Variants in NEGR1 observed in about 807,000 individuals in gnomAD.
The protein encoded by NEGR1 is neuronal growth regulator 1.
A neutral mutation model predicts 40.9 loss-of-function variants in NEGR1; 10 were observed. The ratio of observed to expected loss-of-function variants is 0.24; its 90% CI spans 0.15 to 0.42. The LOEUF (loss-of-function observed/expected upper bound fraction) is 0.42, where lower values mean the gene tolerates loss of function less well. Among genes scored for constraint, NEGR1 ranks in the 10% least tolerant of loss-of-function variants. The probability of loss-of-function intolerance (pLI) is 1.00; values close to 1 mark genes in which losing one functional copy is unlikely to be tolerated. For missense variants in NEGR1, 352 were observed against 438.9 expected (o/e 0.80, Z 1.77); for synonymous variants, 185 against 166.8 (o/e 1.11, Z -0.84).
At chr1:71,549,178 C>T (rs1647995475) in intron 6 of NEGR1, among the ~76,000 whole-genome samples, 1 of 151,634 alleles carries the variant, frequency 6.6e-6, no homozygotes. Context: ...CTAACCTAGG[C>T]CTACATATTA....
chr1:71,834,773 A>AC (rs1658960820), intron 2 of NEGR1, among the ~76,000 whole-genome samples: 1 of 152,094 alleles, frequency 6.6e-6, no homozygotes, highest in African/African-American at 2.4e-5. Context: ...AAAGTTATAC[A>AC]ACTTGGGAGT....
chr1:72,013,962 A>AT (rs1646684180), intron 1 of NEGR1, among the ~76,000 whole-genome samples: 2 of 123,224 alleles, frequency 1.6e-5, no homozygotes, highest in East Asian at 3.1e-4. Context: ...TCTGTGAAAA[A>AT]TAAAAAAAAA....
chr1:72,254,700 TAAAA>T (rs5775112), intron 1 of NEGR1, among the ~76,000 whole-genome samples: 4 of 106,578 alleles, frequency 3.8e-5, no homozygotes, highest in African/African-American at 3.5e-5. Flanking sequence ...AGACTCTGTC[TAAAA>T]AAAAAAAAAA....
intron 1 of NEGR1, among the ~76,000 whole-genome samples, chr1:72,128,914 A>G (rs1650134717): frequency 6.6e-6 from 1 of 152,166 alleles, no homozygotes; most frequent in African/African-American, 2.4e-5. Context: ...GAAGGAAGGG[A>G]GGACTGGTTC....
chr1:72,032,023 G>A (rs532856415), intron 1 of NEGR1, among the ~76,000 whole-genome samples: 8 of 152,200 alleles, frequency 5.3e-5, no homozygotes, highest in South Asian at 4.1e-4. Flanking sequence ...TGAGGAAGTC[G>A]CTTACCCAAA....
intron 1 of NEGR1, among the ~76,000 whole-genome samples, chr1:72,136,082 A>C (rs1426837428): frequency 6.6e-6 from 1 of 152,208 alleles, no homozygotes; most frequent in Admixed American, 6.5e-5. Flanking sequence ...GGCAAACAAC[A>C]ACATAAAATT....
chr1:71,955,409 A>G lies in NEGR1; in HGVS notation c.177-20098T>C, dbSNP rs1331807284. ...TCCCTTTCCTACTTTACACATATAA[A>G]TGGCAATGAACTCAGGGTTCTGGAT... On this transcript the variant is annotated intron_variant, in intron 1 of 6. Transcript: ENST00000357731. Among the ~76,000 whole-genome samples the G allele has an allele frequency of 3.9e-5, 6 of 152,238 alleles. No individual in the cohort carries two copies. In the East Asian group the frequency reaches 9.7e-4, roughly 25 times the overall value.
At position 71,827,061 on chromosome 1, in the gene NEGR1, GC is replaced by G. The variant is rs1658652651; in HGVS notation, c.410-50765del. On this transcript the variant is annotated intron_variant, in intron 2 of 6. Transcript: ENST00000357731. ...TTGCTAAGAGCAGTTGCCACTATTG[GC>G]TTTTCTCCTTTCACAGTGGTTTCCC... Among the ~76,000 whole-genome samples, 3 of 151,828 alleles carry G rather than the reference GC, an allele frequency of 2.0e-5. No individual in the cohort carries two copies. The South Asian group carries it at 6.2e-4, about 32-fold the overall frequency.
At chr1:71,605,100 T>A (rs1005234614) in intron 5 of NEGR1, among the ~76,000 whole-genome samples, 6 of 152,020 alleles carry the variant, frequency 3.9e-5, no homozygotes, top group Non-Finnish European at 7.4e-5. Context: ...AGCTAAAAAA[T>A]TCCAAAAAAG....
chr1:71,824,345 G>T (rs1658540395), intron 2 of NEGR1, among the ~76,000 whole-genome samples: 1 of 150,524 alleles, frequency 6.6e-6, no homozygotes, highest in Admixed American at 6.6e-5. Context: ...TTGTGAAGGA[G>T]AGATAAGATC....
chr1:71,512,490 A>G (rs541685427), intron 6 of NEGR1, among the ~76,000 whole-genome samples: 71 of 152,324 alleles, frequency 4.7e-4, no homozygotes, highest in African/African-American at 1.5e-3. Flanking sequence ...GCTCAACTAA[A>G]GGCAAAATTT....
intron 2 of NEGR1, among the ~76,000 whole-genome samples, chr1:71,800,096 C>T (rs539495045): frequency 5.9e-5 from 9 of 152,234 alleles, no homozygotes; most frequent in Non-Finnish European, 1.2e-4. Context: ...CTCTAACGAC[C>T]AGTGATGATG....
At chr1:71,855,556 A>C (rs917120241) in intron 2 of NEGR1, among the ~76,000 whole-genome samples, 2 of 152,072 alleles carry the variant, frequency 1.3e-5, no homozygotes, top group Non-Finnish European at 2.9e-5. Context: ...AAGAGGTTTC[A>C]TACCGAGACC....
intron 2 of NEGR1, among the ~76,000 whole-genome samples, chr1:71,887,331 T>A (rs1376238883): frequency 1.3e-5 from 2 of 152,110 alleles, no homozygotes; most frequent in Non-Finnish European, 2.9e-5. Context: ...CAGTTCAAAT[T>A]TATGTTGTTC....
chr1:71,954,615 A>G (rs1050069392), intron 1 of NEGR1, among the ~76,000 whole-genome samples: 1 of 152,074 alleles, frequency 6.6e-6, no homozygotes, highest in African/African-American at 2.4e-5. Flanking sequence ...GATAATTCAA[A>G]TATGTTATAA....
At chr1:71,782,008 A>G (rs1403657705) in intron 2 of NEGR1, among the ~76,000 whole-genome samples, 1 of 152,178 alleles carries the variant, frequency 6.6e-6, no homozygotes, top group African/African-American at 2.4e-5. Flanking sequence ...TTCGATCTTA[A>G]AAAATTGTAT....
Position 71,903,479 on chromosome 1 carries a change from T to C in NEGR1, c.409+31600A>G, listed in dbSNP as rs539336167. On this transcript the variant is annotated intron_variant, in intron 2 of 6. Coordinates refer to ENST00000357731, the MANE Select transcript of NEGR1 (RefSeq NM_173808.3). ...AGTATTTTAACTAAGATATTTATAA[T>C]GTCAGATGTTGTTAGCTTTAAATGA... Among the ~76,000 whole-genome samples, 66 of 152,068 alleles carry C rather than the reference T, an allele frequency of 4.3e-4. 1 individual carries two copies. The South Asian group carries it at 0.012, about 29-fold the overall frequency.
intron 1 of NEGR1, among the ~76,000 whole-genome samples, chr1:71,976,792 T>C (rs1046147069): frequency 6.6e-6 from 1 of 152,192 alleles, no homozygotes; most frequent in Non-Finnish European, 1.5e-5. Flanking sequence ...AAGTAATAGA[T>C]ATGTTTTGAG....
At chr1:72,061,612 C>A (rs1052948489) in intron 1 of NEGR1, among the ~76,000 whole-genome samples, 2 of 151,716 alleles carry the variant, frequency 1.3e-5, no homozygotes, top group African/African-American at 4.8e-5. Context: ...ATTGAATAAG[C>A]AGACTTTTAT....
Sources: gnomAD v4.1 joint callset for allele counts (sites outside exome capture counted in the v4.1 genomes callset) on GRCh38, gnomAD v4.1.1 for gene constraint, MANE v1.5 for transcripts, NCBI Gene and HGNC (gene_info 2026-07-23, HGNC 2026-07-21) for gene names.